Variants in LAMA2 observed in about 807,000 individuals in gnomAD.
The protein encoded by LAMA2 is laminin subunit alpha-2.
A neutral mutation model predicts 364.8 loss-of-function variants in LAMA2; 269 were observed. That is an observed-to-expected ratio of 0.74 (90% CI 0.67 to 0.82). The LOEUF is 0.82. Among genes scored for constraint, LAMA2 ranks in the 40% least tolerant of loss-of-function variants. LAMA2 has a pLI of 0.00. For synonymous variants in LAMA2, 1,379 were observed against 1,370.6 expected, an observed-to-expected ratio of 1.01 and a Z score of -0.14; for missense variants, 3,807 against 3,873.2, an observed-to-expected ratio of 0.98 and a Z score of 0.45.
chr6:129,334,854 C>T (rs908745854), intron 29 of LAMA2, among the ~76,000 whole-genome samples: 1 of 152,034 alleles, frequency 6.6e-6, no homozygotes, highest in Non-Finnish European at 1.5e-5. Context: ...TCATGAGGCT[C>T]CAGCCTCATG....
chr6:129,421,316 C>T (rs980506878), intron 40 of LAMA2, among the ~76,000 whole-genome samples: 1 of 151,300 alleles, frequency 6.6e-6, no homozygotes, highest in Admixed American at 6.6e-5. Flanking sequence ...TTTTATATAA[C>T]TTGTATATCC....
At chr6:129,220,286 A>G (rs1783737537) in intron 12 of LAMA2, among the ~76,000 whole-genome samples, 1 of 152,358 alleles carries the variant, frequency 6.6e-6, no homozygotes, top group African/African-American at 2.4e-5. Context: ...TATTAACTAC[A>G]CAAAGATAAG....
intron 8 of LAMA2, among the ~76,000 whole-genome samples, chr6:129,164,390 A>G (rs1235115545): frequency 1.3e-5 from 2 of 152,224 alleles, no homozygotes; most frequent in African/African-American, 4.8e-5. Context: ...GTGGTTAACC[A>G]TGATAACTGA....
chr6:129,421,601 A>C (rs1245089244), intron 40 of LAMA2, among the ~76,000 whole-genome samples: 2 of 152,130 alleles, frequency 1.3e-5, no homozygotes, highest in African/African-American at 4.8e-5. Flanking sequence ...ATGCTGGAAA[A>C]GGTTCTCTCC....
At position 129,222,081 on chromosome 6, in the gene LAMA2, C is replaced by T. The variant is rs552646961; in HGVS notation, c.1783-28031C>T. Among the ~76,000 whole-genome samples the T allele has an allele frequency of 9.9e-4, 151 of 152,056 alleles. 2 individuals carry two copies. The highest frequency in any genetic ancestry group is 2.8e-3 in the African/African-American group (116 of 41,480). ...ATGTCAGGGTTATGCTGCAGGGTAA[C>T]GGGGTGGTGAGGATTGTATAGATAG... On this transcript the variant is annotated intron_variant, in intron 12 of 64. Coordinates refer to ENST00000421865, the MANE Select transcript of LAMA2 (RefSeq NM_000426.4).
At chr6:129,019,028 A>G (rs1000391247) in intron 1 of LAMA2, among the ~76,000 whole-genome samples, 5 of 152,048 alleles carry the variant, frequency 3.3e-5, no homozygotes, top group African/African-American at 9.7e-5. Flanking sequence ...AAAGTCCTCT[A>G]TGTTCTGCCT....
chr6:128,947,319 A>G (rs1013324195), intron 1 of LAMA2, among the ~76,000 whole-genome samples: 22 of 152,218 alleles, frequency 1.4e-4, no homozygotes, highest in Admixed American at 1.4e-3. Context: ...TTTTAAGACT[A>G]AGCTCAAGGG....
At chr6:129,347,874 A>T (rs1458474607) in intron 30 of LAMA2, among the ~76,000 whole-genome samples, 6 of 152,250 alleles carry the variant, frequency 3.9e-5, no homozygotes, top group African/African-American at 1.2e-4. Flanking sequence ...ACTATTCAAG[A>T]ATTACTACAT....
In LAMA2 at chr6:129,080,023, G is replaced by A. The variant is rs543112126; in HGVS notation, c.397-18150G>A. ...AAATTATAGTTTTTATAATTTAAAT[G>A]TAACATATGAATACTTGTGTCTGGA... On this transcript the variant is annotated intron_variant, in intron 3 of 64. Transcript: ENST00000421865. Among the ~76,000 whole-genome samples the A allele has an allele frequency of 2.3e-4, 35 of 152,110 alleles. 2 individuals are homozygous for A. The South Asian group carries it at 7.3e-3, about 32-fold the overall frequency.
rs533175313 is a variant in LAMA2 at position 129,435,774 on chromosome 6, A to G, written c.5969-2872A>G. 6.3e-4 allele frequency among the ~76,000 whole-genome samples: 96 copies of G among 152,190 alleles called. No homozygotes were observed. The South Asian group carries it at 0.011, about 17-fold the overall frequency. ...TGAATCATTAATTAATATGTCCCGT[A>G]CTCTTCTTCACATCCAGACACCGAT... On this transcript the variant is annotated intron_variant, in intron 41 of 64. Coordinates refer to ENST00000421865, the MANE Select transcript of LAMA2 (RefSeq NM_000426.4).
intron 22 of LAMA2, among the ~76,000 whole-genome samples, chr6:129,304,010 G>T (rs1250763769): frequency 1.3e-5 from 2 of 151,992 alleles, no homozygotes; most frequent in Non-Finnish European, 2.9e-5. Flanking sequence ...GAACCCAAAA[G>T]CTCACTATTT....
In LAMA2 at chr6:129,276,984, A is replaced by T. The variant is rs547883031; in HGVS notation, c.2451-3077A>T. 3.1e-4 allele frequency among the ~76,000 whole-genome samples: 47 copies of T among 152,274 alleles called. No homozygotes were observed. The South Asian group carries it at 9.5e-3, about 31-fold the overall frequency. On this transcript the variant is annotated intron_variant, in intron 17 of 64. Coordinates refer to ENST00000421865, the MANE Select transcript of LAMA2 (RefSeq NM_000426.4). ...TATGCATACATATATACATGCTTAT[A>T]AGTAGATTATAAAAATAAAAGTATA...
At chr6:129,418,553 G>A (rs1203098421) in intron 40 of LAMA2, among the ~76,000 whole-genome samples, 1 of 152,050 alleles carries the variant, frequency 6.6e-6, no homozygotes, top group African/African-American at 2.4e-5. Context: ...TCCCTGTTTA[G>A]TTTGAGATCA....
intron 51 of LAMA2, among the ~76,000 whole-genome samples, chr6:129,470,604 A>G (rs1021992119): frequency 6.6e-6 from 1 of 151,912 alleles, no homozygotes; most frequent in Non-Finnish European, 1.5e-5. Flanking sequence ...GAAATTTCCT[A>G]TAGGGAAGGA....
intron 4 of LAMA2, among the ~76,000 whole-genome samples, chr6:129,119,693 G>A (rs1449099307): frequency 5.3e-5 from 8 of 152,048 alleles, no homozygotes; most frequent in African/African-American, 9.7e-5. Context: ...AACTACAGGC[G>A]CCCGCCACCA....
rs1187694474 is a variant in LAMA2, at chr6:129,465,166, C to T, written c.7177C>T (p.Leu2393Phe). The T allele has an allele frequency of 6.2e-7, 1 of 1,610,862 alleles. No individual in the cohort carries two copies. The highest frequency in any genetic ancestry group is 8.5e-7 in the Non-Finnish European group (1 of 1,177,624). Residue 2393 changes from leucine to phenylalanine, a missense_variant, in exon 51 of 65, where the codon CTC becomes TTC. Coordinates refer to ENST00000421865, the MANE Select transcript of LAMA2 (RefSeq NM_000426.4). ...ATAGAGAGATTTCATGAGTGTGGAG[C>T]TCACTGATGGGCACATAAAAGTCAG... ...RDLRDFMSVE[L>F]TDGHIKVSYD...
At chr6:129,123,504 A>T (rs1776929204) in intron 4 of LAMA2, among the ~76,000 whole-genome samples, 1 of 152,160 alleles carries the variant, frequency 6.6e-6, no homozygotes, top group Admixed American at 6.5e-5. Flanking sequence ...ACAGATGAAT[A>T]AATAAGGAAA....
chr6:129,295,819 G>A (rs1437043881), intron 20 of LAMA2, among the ~76,000 whole-genome samples: 1 of 151,598 alleles, frequency 6.6e-6, no homozygotes, highest in African/African-American at 2.4e-5. Flanking sequence ...ATATATATGT[G>A]TTTATACATA....
intron 1 of LAMA2, among the ~76,000 whole-genome samples, chr6:128,993,554 G>A (rs1783738049): frequency 6.6e-6 from 1 of 151,470 alleles, no homozygotes; most frequent in African/African-American, 2.5e-5. Context: ...CTGTATCCTT[G>A]CTCCTCTATT....
Sources: allele counts gnomAD v4.1 joint callset (sites outside exome capture counted in the v4.1 genomes callset), GRCh38; gene constraint gnomAD v4.1.1; transcripts MANE v1.5; gene names NCBI Gene and HGNC (gene_info 2026-07-23, HGNC 2026-07-21).